FGD6: variants seen among roughly 807,000 people sequenced by gnomAD.
FGD6 encodes FYVE, RhoGEF and PH domain-containing protein 6.
A neutral mutation model predicts 149.4 loss-of-function variants in FGD6; 90 were observed. The ratio of observed to expected loss-of-function variants is 0.60; its 90% CI spans 0.51 to 0.72. FGD6 has a LOEUF of 0.72. Among genes scored for constraint, FGD6 ranks in the 30% least tolerant of loss-of-function variants. The pLI is 0.00. For synonymous variants in FGD6, 527 were observed against 584.0 expected (o/e 0.90, Z 1.41); for missense variants, 1,437 against 1,684.8 (o/e 0.85, Z 2.57).
chr12:95,146,912 G>A (rs537863868), intron 5 of FGD6, among the ~76,000 whole-genome samples: 1 of 152,248 alleles, frequency 6.6e-6, no homozygotes, highest in South Asian at 2.1e-4. Flanking sequence ...ATGAGCATCT[G>A]AGGCAATGAA....
chr12:95,180,244 TTGTG>T (rs141054041), intron 2 of FGD6, among the ~76,000 whole-genome samples: 52 of 151,482 alleles, frequency 3.4e-4, no homozygotes, highest in Middle Eastern at 3.4e-3. Context: ...GTGTGTATAT[TTGTG>T]TGTGTGTGTG....
chr12:95,209,293 C>G lies in FGD6; in HGVS notation c.1991G>C (p.Ser664Thr). ...LGDTTTGHLS[S>T]GEQKGIESDW... ...ACTTTCAATCCCCTTCTGCTCCCCACTGGAGAGGTGGCCTGTGGTGGTGTC... is the reference window on the plus strand; with the variant it reads ...ACTTTCAATCCCCTTCTGCTCCCCAGTGGAGAGGTGGCCTGTGGTGGTGTC... The change falls in exon 2 of 21, where the codon AGT (serine) becomes ACT (threonine). Residue 664 changes from serine to threonine, a missense_variant. Physicochemically the swap from Ser to Thr is moderately conservative, Grantham distance 58. Transcript: ENST00000343958. 1 of 1,614,116 alleles carries G rather than the reference C, an allele frequency of 6.2e-7. No homozygotes were observed. The highest frequency in any genetic ancestry group is 8.5e-7 in the Non-Finnish European group (1 of 1,180,020).
intron 18 of FGD6, among the ~76,000 whole-genome samples, chr12:95,088,731 A>G (rs976696223): frequency 1.3e-5 from 2 of 152,230 alleles, no homozygotes; most frequent in Admixed American, 6.5e-5. Context: ...CAAACAATGA[A>G]ATATTATTCA....
chr12:95,114,165 C>A (rs1297875001), intron 8 of FGD6, among the ~76,000 whole-genome samples: 1 of 152,112 alleles, frequency 6.6e-6, no homozygotes, highest in Non-Finnish European at 1.5e-5. Context: ...GCTCAGGACA[C>A]CAAGGGAACT....
At chr12:95,130,885 A>G (rs1490295581) in intron 8 of FGD6, among the ~76,000 whole-genome samples, 1 of 152,202 alleles carries the variant, frequency 6.6e-6, no homozygotes, top group Non-Finnish European at 1.5e-5. Flanking sequence ...GATCACTTAA[A>G]TACAAAAATA....
At chr12:95,204,451 A>C (rs1028951545) in intron 2 of FGD6, among the ~76,000 whole-genome samples, 3 of 152,000 alleles carry the variant, frequency 2.0e-5, no homozygotes, top group African/African-American at 7.3e-5. Context: ...GAAGAAAAGG[A>C]GGTAGAGAAA....
At chr12:95,187,426 GGGCAGATCATGAGGTC>G (rs1189415368) in intron 2 of FGD6, among the ~76,000 whole-genome samples, 1 of 21,142 alleles carries the variant, frequency 4.7e-5, no homozygotes, top group Non-Finnish European at 1.1e-4. Context: ...ATCATGAGGT[GGGCAGATCATGAGGTC>G]AGCAGATCGA....
At chr12:95,201,358 T>A (rs1374224688) in intron 2 of FGD6, among the ~76,000 whole-genome samples, 1 of 151,998 alleles carries the variant, frequency 6.6e-6, no homozygotes, top group Non-Finnish European at 1.5e-5. Flanking sequence ...CATTCAAGAG[T>A]CACAAAAGCC....
At position 95,091,723 on chromosome 12, in the gene FGD6, T is replaced by C. The variant is rs758670052; in HGVS notation, c.3834A>G (p.Gln1278=). 2 of 1,612,912 alleles carry C rather than the reference T, an allele frequency of 1.2e-6. No individual in the cohort carries two copies. Among genetic ancestry groups the C allele is most frequent in the Admixed American group, 3.3e-5 (2 of 59,848 alleles). The change falls in exon 17 of 21, where the codon CAA becomes CAG. Residue 1278 remains glutamine, a synonymous_variant. Coordinates refer to ENST00000343958, the MANE Select transcript of FGD6 (RefSeq NM_018351.4). ...ATATATTACCTAATTTCTGCAGTTC[T>C]TGGAAACAATGTTCACATACTCTTG... ...QPARVCEHCF[Q]ELQKLDHQHS... is the part of the protein sequence containing the mutation.
At chr12:95,084,229 T>G (rs1172467320) in intron 20 of FGD6, among the ~76,000 whole-genome samples, 2 of 152,232 alleles carry the variant, frequency 1.3e-5, no homozygotes, top group Non-Finnish European at 2.9e-5. Context: ...AGCATCACGC[T>G]GCTTCCTCTG....
rs7138545 is a variant in FGD6 at position 95,106,951 on chromosome 12, C to T, written c.3417+3G>A. 2 of 1,597,848 alleles carry T rather than the reference C, an allele frequency of 1.3e-6. No individual in the cohort carries two copies. Among genetic ancestry groups the T allele is most frequent in the Admixed American group, 1.7e-5 (1 of 59,628 alleles). Reference sequence around the variant, plus strand: ...AAACAAAACATCTAACAGATGCACACACCTTCATTCCAGCCAGTGAGAGCA... The same window carrying T: ...AAACAAAACATCTAACAGATGCACATACCTTCATTCCAGCCAGTGAGAGCA... On this transcript the variant is annotated splice_donor_region_variant and intron_variant, in intron 13 of 20. Coordinates refer to ENST00000343958, the MANE Select transcript of FGD6 (RefSeq NM_018351.4).
At chr12:95,162,067 C>T (rs1482453655) in intron 3 of FGD6, among the ~76,000 whole-genome samples, 1 of 129,228 alleles carries the variant, frequency 7.7e-6, no homozygotes, top group Non-Finnish European at 1.6e-5. Context: ...AATTCAAGGC[C>T]AGCAAGGACA....
intron 2 of FGD6, among the ~76,000 whole-genome samples, chr12:95,198,347 T>A (rs1288097540): frequency 6.6e-6 from 1 of 152,184 alleles, no homozygotes; most frequent in African/African-American, 2.4e-5. Flanking sequence ...AATATCTATC[T>A]TAAAGGACAA....
intron 1 of FGD6, among the ~76,000 whole-genome samples, chr12:95,212,859 GA>G (rs1409314829): frequency 6.6e-6 from 1 of 152,094 alleles, no homozygotes; most frequent in Non-Finnish European, 1.5e-5. Flanking sequence ...AACCAAGGAA[GA>G]ATTCCCTAAA....
chr12:95,104,991 A>T lies in FGD6; in HGVS notation c.3497+16T>A. Reference sequence around the variant, plus strand: ...AATGAGAAAAAAAAAAAAAAAAAGAAGAAGAAAAAATTTACCTGGCTGAGA... The same window carrying T: ...AATGAGAAAAAAAAAAAAAAAAAGATGAAGAAAAAATTTACCTGGCTGAGA... On this transcript the variant is annotated intron_variant, in intron 14 of 20. Coordinates refer to ENST00000343958, the MANE Select transcript of FGD6 (RefSeq NM_018351.4). The T allele has an allele frequency of 6.4e-7, 1 of 1,560,212 alleles. No homozygotes were observed. Among genetic ancestry groups the T allele is most frequent in the Non-Finnish European group, 8.6e-7 (1 of 1,160,678 alleles).
At chr12:95,105,110 A>G in intron 13 of FGD6, 24 bp from the exon 14 acceptor site, 1 of 1,587,646 alleles carries the variant, frequency 6.3e-7, no homozygotes, top group Non-Finnish European at 8.6e-7. Flanking sequence ...CAACAATTTG[A>G]GCCGACTCAT....
chr12:95,137,115 T>TA (rs1879689435), intron 7 of FGD6, among the ~76,000 whole-genome samples: 1 of 152,052 alleles, frequency 6.6e-6, no homozygotes, highest in Admixed American at 6.6e-5. Flanking sequence ...CCATCTCCAC[T>TA]AAAAATACAA....
intron 1 of FGD6, among the ~76,000 whole-genome samples, chr12:95,214,741 C>G (rs60649734): frequency 6.6e-6 from 1 of 152,100 alleles, no homozygotes; most frequent in South Asian, 2.1e-4. Context: ...CACGTGTACA[C>G]TCTCTGGCTA....
intron 14 of FGD6, among the ~76,000 whole-genome samples, chr12:95,098,818 C>T (rs778138958): frequency 1.1e-4 from 16 of 151,586 alleles, no homozygotes; most frequent in Non-Finnish European, 1.8e-4. Flanking sequence ...TTGCTAAGTG[C>T]GTGTCCTCCT....
Sources: allele counts gnomAD v4.1 joint callset (sites outside exome capture counted in the v4.1 genomes callset), GRCh38; gene constraint gnomAD v4.1.1; transcripts MANE v1.5; gene names NCBI Gene and HGNC (gene_info 2026-07-23, HGNC 2026-07-21).